The following NXPE2 variants were observed in gnomAD, a reference collection of about 807,000 sequenced individuals.
The protein encoded by NXPE2 is neurexophilin and PC-esterase domain family member 2.
NXPE2 carries 34 observed loss-of-function variants against 34.4 expected under a neutral mutation model. The ratio of observed to expected loss-of-function variants is 0.99; its 90% CI spans 0.75 to 1.31. The LOEUF is 1.31. Among genes scored for constraint, NXPE2 ranks in the 40% most tolerant of loss-of-function variants. The probability of loss-of-function intolerance (pLI) is 0.00; values close to 1 mark genes in which losing one functional copy is unlikely to be tolerated. For missense variants in NXPE2, 649 were observed against 672.5 expected, an observed-to-expected ratio of 0.97 and a Z score of 0.39; for synonymous variants, 235 against 231.3, an observed-to-expected ratio of 1.02 and a Z score of -0.15.
chr11:114,530,951 C>A, the NXPE2 span: 3 of 1,506,616 alleles, frequency 2.0e-6, no homozygotes, highest in Non-Finnish European at 2.6e-6. Flanking sequence ...ATTAACCTGT[C>A]TAATCATTTT....
chr11:114,469,736 C>A, the NXPE2 span, among the ~76,000 whole-genome samples: 7 of 152,012 alleles, frequency 4.6e-5, no homozygotes, highest in African/African-American at 7.3e-5. Context: ...CGTGATTCGC[C>A]CACCTCAATA....
chr11:114,528,267 T>A, the NXPE2 span, among the ~76,000 whole-genome samples: 4 of 152,190 alleles, frequency 2.6e-5, no homozygotes, highest in Admixed American at 2.6e-4. Flanking sequence ...CTCTAATTGG[T>A]CATGCAAGTC....
chr11:114,686,179 T>C (rs899995249), intron 2 of NXPE2, among the ~76,000 whole-genome samples: 1 of 152,130 alleles, frequency 6.6e-6, no homozygotes, highest in Admixed American at 6.6e-5. Flanking sequence ...ATGGGTATAT[T>C]GCATGATGAT....
the NXPE2 span, among the ~76,000 whole-genome samples, chr11:114,656,921 T>C: frequency 2.6e-5 from 4 of 152,034 alleles, no homozygotes; most frequent in Non-Finnish European, 4.4e-5. Flanking sequence ...TGAAACCCCG[T>C]CTCTACTAAA....
chr11:114,566,757 A>T, the NXPE2 span, among the ~76,000 whole-genome samples: 2 of 152,072 alleles, frequency 1.3e-5, no homozygotes, highest in African/African-American at 2.4e-5. Flanking sequence ...TATGGAGAAT[A>T]TTTACATTCT....
chr11:114,508,362 T>C, the NXPE2 span, among the ~76,000 whole-genome samples: 3 of 152,142 alleles, frequency 2.0e-5, no homozygotes, highest in Admixed American at 1.3e-4. Context: ...TCAACTACCA[T>C]TGAGATTCTT....
chr11:114,734,827 G>A, the NXPE2 span, among the ~76,000 whole-genome samples: 2 of 152,120 alleles, frequency 1.3e-5, no homozygotes. Context: ...ACCATTGCAC[G>A]GCAGGGCGCA....
At chr11:114,756,610 T>C in the NXPE2 span, among the ~76,000 whole-genome samples, 2 of 152,188 alleles carry the variant, frequency 1.3e-5, no homozygotes, top group Admixed American at 1.3e-4. Context: ...ACTATAAAGG[T>C]ATAACATTCT....
At chr11:114,766,795 T>C in the NXPE2 span, among the ~76,000 whole-genome samples, 5 of 152,128 alleles carry the variant, frequency 3.3e-5, no homozygotes, top group Admixed American at 2.6e-4. Context: ...ATATATGTTA[T>C]TCTTTTCTTT....
the NXPE2 span, among the ~76,000 whole-genome samples, chr11:114,767,282 G>A: frequency 1.3e-5 from 2 of 151,998 alleles, no homozygotes; most frequent in African/African-American, 4.8e-5. Flanking sequence ...TTATTTTAGG[G>A]CTGATGATAT....
At chr11:114,547,527 G>A in the NXPE2 span, among the ~76,000 whole-genome samples, 1 of 152,160 alleles carries the variant, frequency 6.6e-6, no homozygotes, top group African/African-American at 2.4e-5. Context: ...TTGAGGTTAG[G>A]AGTTTGAGAC....
At chr11:114,490,532 C>T in the NXPE2 span, among the ~76,000 whole-genome samples, 3 of 152,242 alleles carry the variant, frequency 2.0e-5, no homozygotes, top group African/African-American at 4.8e-5. Context: ...GAACAGAGAC[C>T]TCAGAAATAA....
the NXPE2 span, among the ~76,000 whole-genome samples, chr11:114,531,138 A>G: frequency 6.6e-6 from 1 of 151,808 alleles, no homozygotes; most frequent in Non-Finnish European, 1.5e-5. Flanking sequence ...TATCAATATT[A>G]TTTAAATTGT....
the NXPE2 span, among the ~76,000 whole-genome samples, chr11:114,797,430 G>C: frequency 2.0e-5 from 3 of 152,136 alleles, no homozygotes; most frequent in African/African-American, 4.8e-5. Context: ...AACAGCCTCA[G>C]ACTTCTCAAG....
the NXPE2 span, among the ~76,000 whole-genome samples, chr11:114,542,382 A>G: frequency 2.0e-5 from 3 of 152,192 alleles, no homozygotes; most frequent in Non-Finnish European, 4.4e-5. Flanking sequence ...GGAATCTACT[A>G]AACAGCATGA....
the NXPE2 span, among the ~76,000 whole-genome samples, chr11:114,621,921 A>G: frequency 1.3e-5 from 2 of 151,896 alleles, no homozygotes; most frequent in Non-Finnish European, 2.9e-5. Context: ...CTGGTGGATA[A>G]GTATTGCCTC....
chr11:114,759,094 GCACA>G, the NXPE2 span, among the ~76,000 whole-genome samples: 3 of 150,920 alleles, frequency 2.0e-5, no homozygotes, highest in Admixed American at 6.6e-5. Flanking sequence ...GTACACATGC[GCACA>G]CACACACACT....
At chr11:114,748,342 G>A in the NXPE2 span, among the ~76,000 whole-genome samples, 2 of 152,090 alleles carry the variant, frequency 1.3e-5, no homozygotes, top group African/African-American at 4.8e-5. Flanking sequence ...GACACAACCT[G>A]CAACATCAAG....
At chr11:114,757,323 A>T in the NXPE2 span, among the ~76,000 whole-genome samples, 18 of 151,082 alleles carry the variant, frequency 1.2e-4, no homozygotes, top group South Asian at 3.6e-3. Flanking sequence ...CATACTTACC[A>T]CTTTCTCCAC....
Sources: allele counts gnomAD v4.1 joint callset (sites outside exome capture counted in the v4.1 genomes callset), GRCh38; gene constraint gnomAD v4.1.1; transcripts MANE v1.5; gene names NCBI Gene and HGNC (gene_info 2026-07-23, HGNC 2026-07-21).